Variants in PCDHA2 observed in about 807,000 individuals in gnomAD.
The protein encoded by PCDHA2 is protocadherin alpha-2.
A neutral mutation model predicts 66.0 loss-of-function variants in PCDHA2; 58 were observed. That is an observed-to-expected ratio of 0.88 (90% CI 0.71 to 1.09). PCDHA2 has a LOEUF of 1.09. Among genes scored for constraint, PCDHA2 ranks in the 50% least tolerant of loss-of-function variants. PCDHA2 has a pLI of 0.00. For missense variants in PCDHA2, 1,267 were observed against 1,242.3 expected, an observed-to-expected ratio of 1.02 and a Z score of -0.30; for synonymous variants, 634 against 554.0, an observed-to-expected ratio of 1.14 and a Z score of -2.03.
At chr5:140,800,857 C>A in intron 1 of PCDHA2, 1 of 231,988 alleles carries the variant, frequency 4.3e-6, no homozygotes, top group Non-Finnish European at 8.1e-6. Flanking sequence ...TATAAAAGTT[C>A]TAAGGAAATA....
At chr5:140,927,090 C>T (rs368092094) in intron 1 of PCDHA2, 34 of 1,612,532 alleles carry the variant, frequency 2.1e-5, no homozygotes, top group Non-Finnish European at 1.4e-5. Flanking sequence ...AGCTCTACTT[C>T]GGGGTGGATC....
At chr5:140,860,679 T>A (rs1465789150) in intron 1 of PCDHA2, 1 of 152,238 alleles carries the variant, frequency 6.6e-6, no homozygotes, top group Non-Finnish European at 1.5e-5. Flanking sequence ...AATGCACTTA[T>A]GTTTTGAGCG....
chr5:140,823,089 C>T, intron 1 of PCDHA2: 1 of 1,614,036 alleles, frequency 6.2e-7, no homozygotes, highest in Non-Finnish European at 8.5e-7. Context: ...GGGCCACCGC[C>T]AGCGTGTCTG....
chr5:140,853,607 T>C, intron 1 of PCDHA2: 1 of 987,062 alleles, frequency 1.0e-6, no homozygotes, highest in Non-Finnish European at 1.2e-6. Context: ...GCAAAGGGGG[T>C]GCTGTAAATA....
At chr5:140,969,529 T>G in intron 1 of PCDHA2, 7 of 1,377,800 alleles carry the variant, frequency 5.1e-6, no homozygotes, top group Non-Finnish European at 6.8e-6. Flanking sequence ...GTTTTATTTT[T>G]CATTTTCAGA....
intron 1 of PCDHA2, chr5:140,969,343 G>C: frequency 1.2e-6 from 2 of 1,613,728 alleles, no homozygotes; most frequent in Non-Finnish European, 1.7e-6. Flanking sequence ...TGAGACAGTG[G>C]TCAGGGGGTC....
intron 1 of PCDHA2, chr5:140,929,169 T>C: frequency 6.2e-7 from 1 of 1,614,188 alleles, no homozygotes; most frequent in Non-Finnish European, 8.5e-7. Flanking sequence ...ATCGGGCCTC[T>C]CTGGGACTTG....
chr5:141,010,188 T>G lies in PCDHA2; in HGVS notation c.*251T>G. 6.4e-7 allele frequency: 1 copy of G among 1,553,070 alleles called. No individual in the cohort carries two copies. On this transcript the variant is annotated 3_prime_UTR_variant, in exon 4 of 4. Coordinates refer to ENST00000526136, the MANE Select transcript of PCDHA2 (RefSeq NM_018905.3). ...CAGAACCTAAAAAGCAGACCCAAGT[T>G]TCCTTTCTCCTCCGCCGCAAAGGAG...
intron 1 of PCDHA2, among the ~76,000 whole-genome samples, chr5:140,969,735 T>A (rs1029423690): frequency 2.6e-5 from 4 of 152,188 alleles, no homozygotes; most frequent in Non-Finnish European, 5.9e-5. Flanking sequence ...TGAAATCCTA[T>A]ATGAGTGATG....
intron 1 of PCDHA2, chr5:140,808,674 A>C (rs782032441): frequency 5.5e-5 from 89 of 1,612,590 alleles, no homozygotes; most frequent in Non-Finnish European, 7.3e-5. Flanking sequence ...TCGCTGGTAG[A>C]GCGGCGGGTA....
In PCDHA2 at chr5:140,920,855, A is replaced by C. The variant is rs537725798; in HGVS notation, c.2389-58094A>C. Among the ~76,000 whole-genome samples, 935 of 152,094 alleles carry C rather than the reference A, an allele frequency of 6.1e-3. 10 individuals are homozygous for C. Among genetic ancestry groups the C allele is most frequent in the Admixed American group, 0.012 (185 of 15,278 alleles). On this transcript the variant is annotated intron_variant, in intron 1 of 3. Coordinates refer to ENST00000526136, the MANE Select transcript of PCDHA2 (RefSeq NM_018905.3). ...AAGACCAAATCTAAAAAAAAAAAAAAAAACAAACAAACTGTGGCCCTTAGA... is the reference window on the plus strand; with the variant it reads ...AAGACCAAATCTAAAAAAAAAAAAACAAACAAACAAACTGTGGCCCTTAGA...
chr5:140,905,995 G>C (rs2072280853), intron 1 of PCDHA2, among the ~76,000 whole-genome samples: 1 of 152,114 alleles, frequency 6.6e-6, no homozygotes. Context: ...ATGTAGGCTG[G>C]GAGGCTAAGC....
chr5:140,843,234 A>G, intron 1 of PCDHA2: 2 of 1,595,886 alleles, frequency 1.3e-6, no homozygotes, highest in African/African-American at 1.3e-5. Context: ...CGTGTCCTGG[A>G]CGAAGCGGAC....
rs781837708 is a variant in PCDHA2, at chr5:140,875,917, GAC to G, written c.2388+78566_2388+78567del. On this transcript the variant is annotated intron_variant, in intron 1 of 3. Coordinates refer to ENST00000526136, the MANE Select transcript of PCDHA2 (RefSeq NM_018905.3). Reference sequence around the variant, plus strand: ...ACCTGTTTCTGAATCTGCGCCTCTGGACTCTCATTTTCCTCTAGAGGGCGCTT... The same window carrying G: ...ACCTGTTTCTGAATCTGCGCCTCTGGTCTCATTTTCCTCTAGAGGGCGCTT... 20 of 1,614,146 alleles carry G rather than the reference GAC, an allele frequency of 1.2e-5. 1 individual carries two copies. In the South Asian group the frequency reaches 2.1e-4, roughly 17 times the overall value.
intron 1 of PCDHA2, among the ~76,000 whole-genome samples, chr5:140,962,185 C>T (rs782495435): frequency 6.6e-5 from 10 of 152,126 alleles, no homozygotes; most frequent in Non-Finnish European, 1.3e-4. Flanking sequence ...ACTTATATCA[C>T]TTTTATGCTT....
At chr5:140,966,811 G>T (rs377370256) in intron 1 of PCDHA2, 6 of 1,549,722 alleles carry the variant, frequency 3.9e-6, no homozygotes, top group African/African-American at 1.4e-5. Context: ...AGCATCCACG[G>T]CTCCGGCGGC....
chr5:140,879,002 AG>A (rs1278268880), intron 1 of PCDHA2, among the ~76,000 whole-genome samples: 2 of 152,270 alleles, frequency 1.3e-5, no homozygotes, highest in African/African-American at 4.8e-5. Context: ...AGTATGCCCT[AG>A]AAATCAGATA....
chr5:140,973,639 T>C (rs1563426866), intron 1 of PCDHA2, among the ~76,000 whole-genome samples: 2 of 152,362 alleles, frequency 1.3e-5, no homozygotes, highest in East Asian at 3.9e-4. Context: ...GTACACATTC[T>C]GACTGAAGAA....
chr5:140,842,856 C>G, intron 1 of PCDHA2: 1 of 1,593,922 alleles, frequency 6.3e-7, no homozygotes, highest in Non-Finnish European at 8.6e-7. Flanking sequence ...TCGGTGCACA[C>G]GGAGAGCGGC....
Sources: gnomAD v4.1 joint callset for allele counts (sites outside exome capture counted in the v4.1 genomes callset) on GRCh38, gnomAD v4.1.1 for gene constraint, MANE v1.5 for transcripts, NCBI Gene and HGNC (gene_info 2026-07-23, HGNC 2026-07-21) for gene names.